The following DPYSL4 variants were observed in gnomAD, a reference collection of about 807,000 sequenced individuals.
The protein encoded by DPYSL4 is dihydropyrimidinase like 4.
DPYSL4 carries 43 observed loss-of-function variants against 63.4 expected under a neutral mutation model. The ratio of observed to expected loss-of-function variants is 0.68; its 90% CI spans 0.53 to 0.88. The LOEUF (loss-of-function observed/expected upper bound fraction) is 0.88, where lower values mean the gene tolerates loss of function less well. Ranked by LOEUF, DPYSL4 falls within the 40% of genes least tolerant of loss-of-function variation. The pLI is 0.00. For synonymous variants in DPYSL4, 353 were observed against 331.7 expected (o/e 1.06, Z -0.70); for missense variants, 733 against 819.5 (o/e 0.89, Z 1.29).
intron 8 of DPYSL4, 70 bp downstream of exon 8, chr10:132,199,041 G>A: frequency 6.4e-7 from 1 of 1,553,196 alleles, no homozygotes; most frequent in Non-Finnish European, 8.7e-7. Flanking sequence ...GCCCTGGGGA[G>A]ATGCAGGTTC....
chr10:132,188,446 G>A (rs1048173051), intron 1 of DPYSL4, among the ~76,000 whole-genome samples: 2 of 152,236 alleles, frequency 1.3e-5, no homozygotes, highest in African/African-American at 4.8e-5. Flanking sequence ...GGGAGGGGTG[G>A]AAAGTGAAGA....
At chr10:132,204,319 G>C (rs1164630360) in intron 13 of DPYSL4, among the ~76,000 whole-genome samples, 1 of 152,206 alleles carries the variant, frequency 6.6e-6, no homozygotes, top group Non-Finnish European at 1.5e-5. Flanking sequence ...GCACAAGGGA[G>C]GGTCTGAGCT....
Position 132,200,839 on chromosome 10 carries a change from C to A in DPYSL4, c.969-3C>A. ...GGACCCTCTGACCCTGGCTTGTTTC[C>A]AGCGGGGACCTCCAGGTGACAGGCA... On this transcript the variant is annotated splice_polypyrimidine_tract_variant and splice_region_variant and intron_variant, in intron 9 of 13. Coordinates refer to ENST00000338492, the MANE Select transcript of DPYSL4 (RefSeq NM_006426.3). The A allele has an allele frequency of 6.2e-7, 1 of 1,611,700 alleles. No individual in the cohort carries two copies. Among genetic ancestry groups the A allele is most frequent in the Non-Finnish European group, 8.5e-7 (1 of 1,179,366 alleles).
rs764450483 is a variant in DPYSL4 at position 132,195,008 on chromosome 10, G to A, written c.477G>A (p.Lys159=). ...KEELEALVKE[K]GVNSFLVFMA... Reference sequence around the variant, plus strand: ...AGCTGGAGGCCCTGGTCAAGGAGAAGGGTGAGGGTGGCTGGAGGGGCTGGA... The same window carrying A: ...AGCTGGAGGCCCTGGTCAAGGAGAAAGGTGAGGGTGGCTGGAGGGGCTGGA... Residue 159 remains lysine, a splice_region_variant and synonymous_variant, in exon 4 of 14, where the codon AAG becomes AAA. Transcript: ENST00000338492. The A allele has an allele frequency of 6.2e-7, 1 of 1,601,768 alleles. No individual in the cohort carries two copies. Among genetic ancestry groups the A allele is most frequent in the South Asian group, 1.1e-5 (1 of 91,014 alleles).
At chr10:132,192,565 C>A in intron 2 of DPYSL4, 93 bp from the exon 3 acceptor site, 3 of 1,487,944 alleles carry the variant, frequency 2.0e-6, no homozygotes, top group Non-Finnish European at 8.9e-7. Flanking sequence ...GTCTGGAGCT[C>A]ATGCAAACCC....
intron 1 of DPYSL4, among the ~76,000 whole-genome samples, chr10:132,187,463 G>C (rs1350644620): frequency 6.6e-6 from 1 of 152,028 alleles, no homozygotes; most frequent in Non-Finnish European, 1.5e-5. Flanking sequence ...CCCTCGGAGC[G>C]CTAGCGGCTC....
chr10:132,198,287 TG>T, intron 6 of DPYSL4, 127 bp from the exon 7 acceptor site: 1 of 794,912 alleles, frequency 1.3e-6, no homozygotes, highest in Non-Finnish European at 2.0e-6. Context: ...GTTCTGTGGC[TG>T]GGAAATTCTG....
chr10:132,194,401 A>G (rs181635347), intron 3 of DPYSL4, among the ~76,000 whole-genome samples: 17 of 152,230 alleles, frequency 1.1e-4, no homozygotes, highest in Non-Finnish European at 1.9e-4. Flanking sequence ...CACTCGGGAA[A>G]CCAGCCCAGC....
intron 1 of DPYSL4, among the ~76,000 whole-genome samples, chr10:132,187,951 C>T (rs1222639590): frequency 1.3e-5 from 2 of 152,136 alleles, no homozygotes; most frequent in African/African-American, 2.4e-5. Flanking sequence ...GACTTGGCCT[C>T]GGCGGGAGGG....
intron 10 of DPYSL4, 123 bp downstream of exon 10, chr10:132,201,106 G>A (rs75793964): frequency 7.2e-7 from 1 of 1,390,038 alleles, no homozygotes. Context: ...GAGCACACGG[G>A]CTCCGGGGTG....
rs777960688 is a variant in DPYSL4, at chr10:132,200,837, TC to T, written c.969-3del. On this transcript the variant is annotated splice_region_variant and splice_polypyrimidine_tract_variant and intron_variant, in intron 9 of 13. Transcript: ENST00000338492. Reference sequence around the variant, plus strand: ...CAGGACCCTCTGACCCTGGCTTGTTTCCAGCGGGGACCTCCAGGTGACAGGC... The same window carrying T: ...CAGGACCCTCTGACCCTGGCTTGTTTCAGCGGGGACCTCCAGGTGACAGGC... 1.9e-5 allele frequency: 31 copies of T among 1,611,552 alleles called. No individual in the cohort carries two copies. The highest frequency in any genetic ancestry group is 2.5e-5 in the Non-Finnish European group (29 of 1,179,370).
intron 8 of DPYSL4, 101 bp downstream of exon 8, chr10:132,199,072 CG>C (rs1213576479): frequency 6.8e-7 from 1 of 1,463,006 alleles, no homozygotes; most frequent in Non-Finnish European, 9.2e-7. Context: ...TGCATCGGGG[CG>C]GGGCACTGGA....
intron 1 of DPYSL4, among the ~76,000 whole-genome samples, chr10:132,189,374 C>T (rs1053019302): frequency 6.6e-6 from 1 of 152,262 alleles, no homozygotes; most frequent in Non-Finnish European, 1.5e-5. Flanking sequence ...GACGGTCATG[C>T]AGAGTCCCAT....
chr10:132,191,838 T>G lies in DPYSL4; in HGVS notation c.129-820T>G, dbSNP rs71512284. 1.0e-2 allele frequency among the ~76,000 whole-genome samples: 578 copies of G among 57,890 alleles called. 19 individuals are homozygous for G. The highest frequency in any genetic ancestry group is 0.029 in the African/African-American group (498 of 17,438). 38.0% of individuals were successfully genotyped at this position (57,890 alleles called of 152,430 possible). A position where few individuals can be genotyped will look rare whatever the true frequency, so the allele number is the denominator to read the frequency against. On this transcript the variant is annotated intron_variant, in intron 2 of 13. Coordinates refer to ENST00000338492, the MANE Select transcript of DPYSL4 (RefSeq NM_006426.3). Reference sequence around the variant, plus strand: ...CACTGGTCACGTGGTATCCAGGCAGTTGAAAGTATGTTCCCAGCTCGTGTG... The same window carrying G: ...CACTGGTCACGTGGTATCCAGGCAGGTGAAAGTATGTTCCCAGCTCGTGTG...
intron 3 of DPYSL4, 32 bp from the exon 4 acceptor site, chr10:132,194,813 G>C (rs773880177): frequency 7.0e-5 from 113 of 1,603,472 alleles, no homozygotes; most frequent in Non-Finnish European, 9.4e-5. Flanking sequence ...AGGGACCAGT[G>C]GGGGAAGCTG....
At chr10:132,201,533 C>T (rs759816346) in intron 10 of DPYSL4, among the ~76,000 whole-genome samples, 4 of 152,246 alleles carry the variant, frequency 2.6e-5, no homozygotes, top group Non-Finnish European at 5.9e-5. Context: ...AGGCTTCGCC[C>T]AGGAAGGGGC....
intron 8 of DPYSL4, among the ~76,000 whole-genome samples, chr10:132,199,450 G>A (rs2061984470): frequency 6.6e-6 from 1 of 151,940 alleles, no homozygotes; most frequent in Admixed American, 6.5e-5. Context: ...CGGCTTGACT[G>A]TGGTGTCCCC....
Position 132,202,661 on chromosome 10 carries a change from A to G in DPYSL4, c.1297A>G (p.Ile433Val), listed in dbSNP as rs149123080. 33 of 1,612,716 alleles carry G rather than the reference A, an allele frequency of 2.0e-5. No individual in the cohort carries two copies. In the African/African-American group the frequency reaches 3.5e-4, roughly 17 times the overall value. ...KTHNLNVEYNIFEGVECRGAP... is the reference protein window; with the variant it reads ...KTHNLNVEYNVFEGVECRGAP... ...CTCTCCCCAGAACGTGGAGTACAAC[A>G]TCTTCGAGGGAGTGGAGTGCCGGGG... is the stretch of plus-strand genomic sequence containing the variant. The change falls in exon 12 of 14, where the codon ATC becomes GTC. Residue 433 changes from isoleucine to valine, a missense_variant. Coordinates refer to ENST00000338492, the MANE Select transcript of DPYSL4 (RefSeq NM_006426.3).
intron 6 of DPYSL4, among the ~76,000 whole-genome samples, chr10:132,197,383 C>T (rs1257717131): frequency 6.6e-6 from 1 of 152,248 alleles, no homozygotes; most frequent in Non-Finnish European, 1.5e-5. Flanking sequence ...GTGTCAGCCC[C>T]AGGGATCGAG....
Sources: gnomAD v4.1 joint callset for allele counts (sites outside exome capture counted in the v4.1 genomes callset) on GRCh38, gnomAD v4.1.1 for gene constraint, MANE v1.5 for transcripts, NCBI Gene and HGNC (gene_info 2026-07-23, HGNC 2026-07-21) for gene names.